RIPK1: variants seen among roughly 807,000 people sequenced by gnomAD.
RIPK1 encodes the protein receptor interacting serine/threonine kinase 1.
RIPK1 carries 27 observed loss-of-function variants against 62.4 expected under a neutral mutation model. That is an observed-to-expected ratio of 0.43 (90% CI 0.32 to 0.60). The LOEUF (loss-of-function observed/expected upper bound fraction) is 0.60, where lower values mean the gene tolerates loss of function less well. RIPK1 is among the 20% of genes least tolerant of loss of function. The pLI is 0.07. For synonymous variants in RIPK1, 287 were observed against 303.2 expected (o/e 0.95, Z 0.55); for missense variants, 735 against 831.0 (o/e 0.88, Z 1.42).
intron 9 of RIPK1, among the ~76,000 whole-genome samples, chr6:3,108,529 G>A (rs760568269): frequency 2.0e-5 from 3 of 152,176 alleles, no homozygotes; most frequent in African/African-American, 7.2e-5. Context: ...TGTGAGTGAC[G>A]AACACGGTGT....
intron 9 of RIPK1, among the ~76,000 whole-genome samples, chr6:3,108,156 C>T (rs188699815): frequency 1.3e-5 from 2 of 151,970 alleles, no homozygotes; most frequent in African/African-American, 4.8e-5. Flanking sequence ...CTTAGACCCA[C>T]TGCTTTTTAT....
chr6:3,074,294 T>C (rs943145307), intron 1 of RIPK1, among the ~76,000 whole-genome samples: 1 of 152,234 alleles, frequency 6.6e-6, no homozygotes, highest in Non-Finnish European at 1.5e-5. Context: ...ACATAGTATG[T>C]ATGCTTTTGT....
chr6:3,106,016 C>G lies in RIPK1; in HGVS notation c.1541C>G (p.Thr514Arg), dbSNP rs372833650. ...CCTGAGACCAACTATCTAGGAAATA[C>G]ACCCACCATGCCATTCAGCTCCTTG... ...PVPETNYLGN[T>R]PTMPFSSLPP... Residue 514 changes from threonine to arginine, a missense_variant, in exon 9 of 11, where the codon ACA (threonine) becomes AGA (arginine). Physicochemically the swap from Thr to Arg is moderately conservative, Grantham distance 71 (BLOSUM62 -1). Around this residue, in one of 2 missense-constraint regions of RIPK1, gnomAD observed 671 missense variants for 726.2 expected, o/e 0.92. Coordinates refer to ENST00000259808, the MANE Select transcript of RIPK1 (RefSeq NM_001354930.2). 4 of 1,612,000 alleles carry G rather than the reference C, an allele frequency of 2.5e-6. No individual in the cohort carries two copies. Among genetic ancestry groups the G allele is most frequent in the African/African-American group, 1.3e-5 (1 of 75,022 alleles).
rs1172996979 is a variant in RIPK1 at position 3,110,905 on chromosome 6, C to A, written c.1679C>A (p.Thr560Lys). ...GGTSSSLLDS[T>K]NTNFKEEPAA... ...ACGAGTTCATCACTACTAGACAGCA[C>A]AAATACGAACTTCAAAGAAGAGCCA... Residue 560 changes from threonine (T) to lysine (K), a missense_variant, in exon 10 of 11, where the codon ACA (threonine) becomes AAA (lysine). Around this residue, in one of 2 missense-constraint regions of RIPK1, gnomAD observed 671 missense variants for 726.2 expected, o/e 0.92. Coordinates refer to ENST00000259808, the MANE Select transcript of RIPK1 (RefSeq NM_001354930.2). The A allele has an allele frequency of 6.2e-7, 1 of 1,613,256 alleles. No homozygotes were observed. Among genetic ancestry groups the A allele is most frequent in the African/African-American group, 1.3e-5 (1 of 74,868 alleles).
intron 7 of RIPK1, among the ~76,000 whole-genome samples, chr6:3,096,726 A>G (rs886911132): frequency 1.3e-4 from 18 of 139,926 alleles, no homozygotes; most frequent in Non-Finnish European, 2.8e-4. Flanking sequence ...CACCCAGCGA[A>G]TTTTTTTTTT....
At chr6:3,089,763 G>C (rs1042029272) in intron 7 of RIPK1, 106 bp downstream of exon 7, 3 of 711,978 alleles carry the variant, frequency 4.2e-6, no homozygotes, top group Non-Finnish European at 7.4e-6. Context: ...AGGTAAGCTA[G>C]CTTGGTAAAC....
At chr6:3,074,216 C>T (rs545711546) in intron 1 of RIPK1, among the ~76,000 whole-genome samples, 1 of 152,346 alleles carries the variant, frequency 6.6e-6, no homozygotes, top group East Asian at 1.9e-4. Flanking sequence ...ACCGTGCTCA[C>T]AGGCGGCCAG....
intron 1 of RIPK1, among the ~76,000 whole-genome samples, chr6:3,075,221 G>A (rs994436677): frequency 1.3e-5 from 2 of 152,294 alleles, no homozygotes; most frequent in African/African-American, 4.8e-5. Flanking sequence ...CCAGTGTTTG[G>A]TGTATTAGTC....
intron 9 of RIPK1, among the ~76,000 whole-genome samples, chr6:3,106,807 T>C (rs1451764314): frequency 6.6e-6 from 1 of 152,254 alleles, no homozygotes; most frequent in Non-Finnish European, 1.5e-5. Flanking sequence ...GAATGCAAAA[T>C]ATTGGATTAG....
chr6:3,070,531 G>C (rs959273982), intron 1 of RIPK1, among the ~76,000 whole-genome samples: 2 of 152,148 alleles, frequency 1.3e-5, no homozygotes, highest in African/African-American at 4.8e-5. Flanking sequence ...TTCGCCTCCC[G>C]GGTTCAAGCA....
At chr6:3,075,080 C>A (rs1302745145) in intron 1 of RIPK1, among the ~76,000 whole-genome samples, 14 of 152,212 alleles carry the variant, frequency 9.2e-5, no homozygotes, top group Non-Finnish European at 1.3e-4. Context: ...CCAGTGTGTC[C>A]GTGTCCTGTT....
chr6:3,100,734 G>T (rs1234871472), intron 7 of RIPK1, among the ~76,000 whole-genome samples: 1 of 115,730 alleles, frequency 8.6e-6, no homozygotes, highest in East Asian at 2.0e-4. Context: ...GGGATTACAG[G>T]CGTGTACCAC....
chr6:3,074,968 C>T (rs111392268), intron 1 of RIPK1, among the ~76,000 whole-genome samples: 1 of 152,158 alleles, frequency 6.6e-6, no homozygotes, highest in East Asian at 1.9e-4. Flanking sequence ...ACGTGAGCCA[C>T]GGCGCCCAGC....
rs1413292615 is a variant in RIPK1 at position 3,113,420 on chromosome 6, G to A, written c.*81G>A. On this transcript the variant is annotated 3_prime_UTR_variant, in exon 11 of 11. Transcript: ENST00000259808. The surrounding 1 kb of genome is among the most constrained non-coding windows in gnomAD (Gnocchi z 5.0). ...AAAGTTGGCTGCCTCAGAGCATTCA[G>A]AATTCTGTCCTCACTGATAGGGGTT... 1.5e-6 allele frequency: 2 copies of A among 1,379,210 alleles called. No individual in the cohort carries two copies. Among genetic ancestry groups the A allele is most frequent in the African/African-American group, 2.9e-5 (2 of 69,060 alleles). The allele number at this position is 1,379,210 out of a possible 1,614,324, so 85.4% of individuals were successfully genotyped here.
chr6:3,113,029 C>G lies in RIPK1; in HGVS notation c.1730-24C>G. 1 of 1,511,736 alleles carries G rather than the reference C, an allele frequency of 6.6e-7. No homozygotes were observed. The highest frequency in any genetic ancestry group is 1.4e-5 in the South Asian group (1 of 73,074). The allele number at this position is 1,511,736 out of a possible 1,614,324, so 93.6% of individuals were successfully genotyped here. A position where few individuals can be genotyped will look rare whatever the true frequency, so the allele number is the denominator to read the frequency against. Reference sequence around the variant, plus strand: ...GTTTGAATGGGTTTTAGCTTGATACCTTCTTCTTTTTCCCATTTGGCAGAT... The same window carrying G: ...GTTTGAATGGGTTTTAGCTTGATACGTTCTTCTTTTTCCCATTTGGCAGAT... On this transcript the variant is annotated intron_variant, in intron 10 of 10. Transcript: ENST00000259808. The surrounding 1 kb of genome is among the most constrained non-coding windows in gnomAD (Gnocchi z 5.0).
chr6:3,089,190 T>G (rs143029474), intron 6 of RIPK1, among the ~76,000 whole-genome samples: 290 of 152,358 alleles, frequency 1.9e-3, no homozygotes, highest in African/African-American at 6.7e-3. Context: ...TGTAACCCAT[T>G]ACACTAAATC....
At chr6:3,068,469 G>T (rs999218382), upstream of RIPK1, 7 of 985,240 alleles carry the variant, frequency 7.1e-6, no homozygotes, top group Non-Finnish European at 7.2e-6. Context: ...CAAGGGCCGG[G>T]GCAGGGGGAG....
intron 9 of RIPK1, among the ~76,000 whole-genome samples, chr6:3,107,660 G>T (rs1373668672): frequency 6.6e-6 from 1 of 151,688 alleles, no homozygotes; most frequent in Non-Finnish European, 1.5e-5. Context: ...AACAGCCTGA[G>T]TCCCTTCCCT....
intron 9 of RIPK1, among the ~76,000 whole-genome samples, chr6:3,107,400 CAAAAAA>C (rs1167089664): frequency 6.1e-4 from 34 of 55,310 alleles, no homozygotes; most frequent in African/African-American, 2.1e-3. Context: ...ACTAAAAATA[CAAAAAA>C]AAAAAAAAAA....
Sources: allele counts gnomAD v4.1 joint callset (sites outside exome capture counted in the v4.1 genomes callset), GRCh38; gene constraint gnomAD v4.1.1; regional missense constraint gnomAD v4.1.1; non-coding constraint Gnocchi (gnomAD v3.1); transcripts MANE v1.5; gene names NCBI Gene and HGNC (gene_info 2026-07-23, HGNC 2026-07-21).